The following PCLO variants were observed in gnomAD, a reference collection of about 807,000 sequenced individuals.
PCLO encodes protein piccolo.
Under a neutral mutation model 427.5 loss-of-function variants are expected in PCLO, and 82 were observed. That is an observed-to-expected ratio of 0.19 (90% CI 0.16 to 0.23). PCLO has a LOEUF of 0.23. PCLO is among the 10% of genes least tolerant of loss of function. The pLI is 1.00. For missense variants in PCLO, 6,239 were observed against 6,115.9 expected (o/e 1.02, Z -0.67); for synonymous variants, 2,357 against 2,155.4 (o/e 1.09, Z -2.59).
At chr7:82,813,681 G>A (rs1283878899) in intron 20 of PCLO, among the ~76,000 whole-genome samples, 1 of 151,706 alleles carries the variant, frequency 6.6e-6, no homozygotes, top group Non-Finnish European at 1.5e-5. Flanking sequence ...CCAACACCTT[G>A]AAGAGGTTCT....
chr7:82,986,417 A>T (rs1413315622), intron 3 of PCLO, among the ~76,000 whole-genome samples: 1 of 151,944 alleles, frequency 6.6e-6, no homozygotes, highest in Non-Finnish European at 1.5e-5. Context: ...AAAATAGAAA[A>T]CCAATTTGTA....
At chr7:82,887,965 G>A (rs1041661498) in intron 9 of PCLO, among the ~76,000 whole-genome samples, 4 of 152,012 alleles carry the variant, frequency 2.6e-5, no homozygotes, top group African/African-American at 4.8e-5. Flanking sequence ...ACTTATTCGG[G>A]AGGCTGAGGC....
At chr7:83,128,567 A>G (rs1791497340) in intron 3 of PCLO, among the ~76,000 whole-genome samples, 1 of 152,134 alleles carries the variant, frequency 6.6e-6, no homozygotes, top group Admixed American at 6.5e-5. Flanking sequence ...TAGAATGTGC[A>G]TAACCTATGG....
At chr7:83,065,146 G>A (rs1789636216) in intron 3 of PCLO, among the ~76,000 whole-genome samples, 1 of 151,736 alleles carries the variant, frequency 6.6e-6, no homozygotes, top group Non-Finnish European at 1.5e-5. Flanking sequence ...TTCATCAAGT[G>A]TTTAAAAACT....
chr7:83,143,253 G>A (rs1791908339), intron 2 of PCLO, among the ~76,000 whole-genome samples: 1 of 149,082 alleles, frequency 6.7e-6, no homozygotes, highest in Non-Finnish European at 1.5e-5. Context: ...CTCCCCGACA[G>A]AGGCAGTTAC....
At chr7:82,805,223 G>C (rs1281986906) in intron 21 of PCLO, among the ~76,000 whole-genome samples, 4 of 152,060 alleles carry the variant, frequency 2.6e-5, no homozygotes, top group Non-Finnish European at 4.4e-5. Flanking sequence ...ATTGTAGAAG[G>C]ATTTATAGTT....
At chr7:82,893,553 C>A (rs535596287) in intron 9 of PCLO, among the ~76,000 whole-genome samples, 1 of 151,220 alleles carries the variant, frequency 6.6e-6, no homozygotes, top group Admixed American at 6.6e-5. Flanking sequence ...GCACATGTAC[C>A]CTAAAACTTA....
chr7:82,964,708 T>C (rs1795725690), intron 4 of PCLO, among the ~76,000 whole-genome samples: 1 of 151,962 alleles, frequency 6.6e-6, no homozygotes, highest in Admixed American at 6.6e-5. Flanking sequence ...GAAGAAGCAA[T>C]TGGTGGTGGT....
At chr7:83,069,151 A>C (rs1479540551) in intron 3 of PCLO, among the ~76,000 whole-genome samples, 1 of 152,168 alleles carries the variant, frequency 6.6e-6, no homozygotes, top group Non-Finnish European at 1.5e-5. Context: ...TATGGGTGGT[A>C]ATACATATGT....
chr7:82,852,684 G>A (rs1486490721), intron 10 of PCLO, among the ~76,000 whole-genome samples: 1 of 152,058 alleles, frequency 6.6e-6, no homozygotes, highest in African/African-American at 2.4e-5. Flanking sequence ...TTGTGATCGT[G>A]AGTCAATTCT....
chr7:83,063,318 G>C (rs1023954607), intron 3 of PCLO, among the ~76,000 whole-genome samples: 7 of 152,030 alleles, frequency 4.6e-5, no homozygotes, highest in Admixed American at 1.3e-4. Context: ...CTTCACATTG[G>C]AACTCAAATC....
chr7:83,048,783 TTA>T (rs1789162865), intron 3 of PCLO, among the ~76,000 whole-genome samples: 5 of 152,128 alleles, frequency 3.3e-5, no homozygotes, highest in Admixed American at 1.3e-4. Flanking sequence ...TACTGATGGT[TTA>T]AAGAGCACCA....
In PCLO at chr7:83,067,302, G is replaced by A. The variant is rs184681534; in HGVS notation, c.3300+66948C>T. Among the ~76,000 whole-genome samples, 48 of 152,184 alleles carry A rather than the reference G, an allele frequency of 3.2e-4. 2 individuals are homozygous for A. The highest frequency in any genetic ancestry group is 2.7e-3 in the Admixed American group (42 of 15,284). On this transcript the variant is annotated intron_variant, in intron 3 of 24. Transcript: ENST00000333891. ...CATGAAAAGGGGTAGTACAGAGACT[G>A]GATTTCCTAGTTAGGAGCTTCCTCC...
At position 82,954,105 on chromosome 7, in the gene PCLO, C is replaced by G; in HGVS notation, c.6848G>C (p.Gly2283Ala). ...AGTAGAAACAGTGTCAGCAACTGGC[C>G]CTTCAGGTTTAGGTACTACAGATTC... Reference protein sequence around the residue: ...IIESVVPKPEGPVADTVSTDL... With the variant: ...IIESVVPKPEAPVADTVSTDL... The change falls in exon 5 of 25, where the codon GGG becomes GCG. Residue 2283 changes from glycine to alanine, a missense_variant. Gly to Ala is a moderately conservative substitution (Grantham distance 60). Transcript: ENST00000333891. The G allele has an allele frequency of 6.2e-7, 1 of 1,613,748 alleles. No homozygotes were observed. The highest frequency in any genetic ancestry group is 8.5e-7 in the Non-Finnish European group (1 of 1,179,794).
intron 3 of PCLO, among the ~76,000 whole-genome samples, chr7:82,996,297 T>C (rs1787612055): frequency 1.3e-5 from 2 of 152,020 alleles, no homozygotes; most frequent in South Asian, 4.1e-4. Context: ...ATAATTGGCA[T>C]TAATGGTTTT....
chr7:82,954,580 G>T lies in PCLO; in HGVS notation c.6373C>A (p.Leu2125Ile). The change falls in exon 5 of 25, where the codon CTC becomes ATC. Residue 2125 changes from leucine (L) to isoleucine (I), a missense_variant. By Grantham distance (5) the Leu-to-Ile change is conservative. Transcript: ENST00000333891. ...GTTATTTTAACATCTGGGATAGAGA[G>T]TGTTGCACTGCTGGTCGAATCTGTA... is the stretch of plus-strand genomic sequence containing the variant. ...SLTDSTSSAT[L>I]SIPDVKITQH... 6.2e-7 allele frequency: 1 copy of T among 1,613,904 alleles called. No homozygotes were observed. Among genetic ancestry groups the T allele is most frequent in the Non-Finnish European group, 8.5e-7 (1 of 1,179,830 alleles).
chr7:83,135,506 T>C lies in PCLO; in HGVS notation c.2044A>G (p.Thr682Ala), dbSNP rs1445405823. ...GGTGCAGCATCCTTCTTTGGGGAAGTCTGCTGTGGCTGTGGGGATGATTTG... is the reference window on the plus strand; with the variant it reads ...GGTGCAGCATCCTTCTTTGGGGAAGCCTGCTGTGGCTGTGGGGATGATTTG... ...VSKSSPQPQQ[T>A]SPKKDAAPKQ... The change falls in exon 3 of 25, where the codon ACT (threonine) becomes GCT (alanine). Residue 682 changes from threonine to alanine, a missense_variant. Thr to Ala is a moderately conservative substitution (Grantham distance 58). Transcript: ENST00000333891. 1 of 1,613,706 alleles carries C rather than the reference T, an allele frequency of 6.2e-7. No homozygotes were observed. The highest frequency in any genetic ancestry group is 1.7e-5 in the Admixed American group (1 of 59,988).
At chr7:83,058,674 A>G (rs931018205) in intron 3 of PCLO, among the ~76,000 whole-genome samples, 1 of 151,928 alleles carries the variant, frequency 6.6e-6, no homozygotes, top group Non-Finnish European at 1.5e-5. Flanking sequence ...ATTATTTCCC[A>G]TTTTTTAGGT....
At chr7:83,064,583 G>A (rs1789619296) in intron 3 of PCLO, among the ~76,000 whole-genome samples, 1 of 151,794 alleles carries the variant, frequency 6.6e-6, no homozygotes, top group Non-Finnish European at 1.5e-5. Context: ...TTCATCAAAG[G>A]GTACCTTGTT....
Sources: allele counts gnomAD v4.1 joint callset (sites outside exome capture counted in the v4.1 genomes callset), GRCh38; gene constraint gnomAD v4.1.1; transcripts MANE v1.5; gene names NCBI Gene and HGNC (gene_info 2026-07-23, HGNC 2026-07-21).